Variants in PIR observed in about 807,000 individuals in gnomAD.
PIR encodes pirin (iron-binding nuclear protein).
PIR carries 22 observed loss-of-function variants against 24.2 expected under a neutral mutation model. The ratio of observed to expected loss-of-function variants is 0.91; its 90% CI spans 0.65 to 1.30. The LOEUF is 1.30. Ranked by LOEUF, PIR falls within the 50% of genes most tolerant of loss-of-function variation. The pLI is 0.00. For missense variants in PIR, 220 were observed against 220.3 expected (o/e 1.00, Z 0.01); for synonymous variants, 80 against 79.6 (o/e 1.00, Z -0.03).
chrX:15,432,269 A>G, intron 5 of PIR, among the ~76,000 whole-genome samples: 1 of 112,203 alleles, frequency 8.9e-6, no homozygotes, highest in African/African-American at 3.2e-5. Flanking sequence ...TTGGATATAT[A>G]TTGCTGAATA....
chrX:15,394,180 G>C (rs1205716484), intron 8 of PIR, among the ~76,000 whole-genome samples: 1 of 111,395 alleles, frequency 9.0e-6, no homozygotes, highest in Non-Finnish European at 1.9e-5. Context: ...CTTATTGCAT[G>C]CATTTGTTCC....
At chrX:15,444,335 T>C (rs1416916393) in intron 5 of PIR, among the ~76,000 whole-genome samples, 2 of 112,594 alleles carry the variant, frequency 1.8e-5, no homozygotes, top group Non-Finnish European at 3.7e-5. Flanking sequence ...AACAAAAGTA[T>C]TTTTAAATTA....
chrX:15,487,668 G>C (rs1922911118), intron 2 of PIR, among the ~76,000 whole-genome samples: 1 of 112,151 alleles, frequency 8.9e-6, no homozygotes, highest in African/African-American at 3.2e-5. Flanking sequence ...CCTCCTGCTG[G>C]GAGCACAGAG....
At chrX:15,400,761 T>TTATTTATTTATTTA (rs1569194235) in intron 7 of PIR, among the ~76,000 whole-genome samples, 9 of 109,598 alleles carry the variant, frequency 8.2e-5, no homozygotes, top group East Asian at 2.8e-4. Flanking sequence ...ATTTATTTAT[T>TTATTTATTTATTTA]TTTGAGATGG....
chrX:15,402,851 T>C (rs1410513870), intron 7 of PIR, among the ~76,000 whole-genome samples: 1 of 112,273 alleles, frequency 8.9e-6, no homozygotes, highest in Non-Finnish European at 1.9e-5. Context: ...CTGCCTTAGT[T>C]GTTCTGGAAA....
At chrX:15,404,447 C>T (rs756794975) in intron 7 of PIR, among the ~76,000 whole-genome samples, 14 of 112,356 alleles carry the variant, frequency 1.2e-4, no homozygotes, top group African/African-American at 4.5e-4. Flanking sequence ...ATTATTTCCT[C>T]AACCCAAGTT....
chrX:15,428,143 C>T (rs1348457145), intron 5 of PIR, among the ~76,000 whole-genome samples: 5 of 110,850 alleles, frequency 4.5e-5, no homozygotes, highest in African/African-American at 1.3e-4. Context: ...CAAATTCCCC[C>T]GTGTATATAT....
chrX:15,411,407 C>T (rs1431854833), intron 6 of PIR, among the ~76,000 whole-genome samples: 1 of 111,930 alleles, frequency 8.9e-6, no homozygotes, highest in Non-Finnish European at 1.9e-5. Context: ...GAGCTTTCCT[C>T]AGCCTACATT....
chrX:15,441,424 T>A (rs1216889598), intron 5 of PIR, among the ~76,000 whole-genome samples: 2 of 111,835 alleles, frequency 1.8e-5, no homozygotes, highest in Non-Finnish European at 3.8e-5. Context: ...ACTCTCCATA[T>A]ACATTTCACA....
intron 7 of PIR, among the ~76,000 whole-genome samples, chrX:15,404,145 G>A (rs1043394037): frequency 9.0e-6 from 1 of 110,691 alleles, no homozygotes; most frequent in Non-Finnish European, 1.9e-5. Context: ...AATTACAGGC[G>A]TGCATCACCA....
chrX:15,410,707 CT>C (rs1924716690), intron 6 of PIR, among the ~76,000 whole-genome samples: 1 of 112,066 alleles, frequency 8.9e-6, no homozygotes, highest in Non-Finnish European at 1.9e-5. Context: ...ATTTTTACTC[CT>C]TGTAAAAGTC....
intron 6 of PIR, among the ~76,000 whole-genome samples, chrX:15,414,545 C>A (rs1464965012): frequency 8.9e-6 from 1 of 112,009 alleles, no homozygotes; most frequent in Non-Finnish European, 1.9e-5. Flanking sequence ...CGTTTATAGA[C>A]TATTAAGATC....
At chrX:15,488,848 T>C (rs73635095) in intron 2 of PIR, among the ~76,000 whole-genome samples, 6,975 of 111,562 alleles carry the variant, frequency 0.063, 519 homozygotes, top group African/African-American at 0.21. Context: ...TCAGAGGGGT[T>C]GTAAACTTGG....
At chrX:15,461,674 T>C (rs1921307538) in intron 3 of PIR, among the ~76,000 whole-genome samples, 1 of 111,173 alleles carries the variant, frequency 9.0e-6, no homozygotes, top group Non-Finnish European at 1.9e-5. Flanking sequence ...TCCCAGCTAC[T>C]GGGGAGGCTG....
At chrX:15,467,390 G>A (rs1032775407) in intron 3 of PIR, among the ~76,000 whole-genome samples, 8 of 112,618 alleles carry the variant, frequency 7.1e-5, no homozygotes, top group African/African-American at 2.3e-4. Flanking sequence ...TGTCTCAGAG[G>A]AGAAATCCCA....
Position 15,453,173 on chromosome X carries a change from G to C in PIR, c.480+2675C>G, listed in dbSNP as rs187749965. Reference sequence around the variant, plus strand: ...CCTATCTTTAAAATGACTCTTACTGGTGTCCTTTCTTGAGTGCAGGTTAAT... The same window carrying C: ...CCTATCTTTAAAATGACTCTTACTGCTGTCCTTTCTTGAGTGCAGGTTAAT... On this transcript the variant is annotated intron_variant, in intron 5 of 9. Coordinates refer to ENST00000380420, the MANE Select transcript of PIR (RefSeq NM_001018109.3). 3.6e-5 allele frequency among the ~76,000 whole-genome samples: 4 copies of C among 111,666 alleles called. No individual in the cohort carries two copies. In the Admixed American group the frequency reaches 3.8e-4, roughly 11 times the overall value.
At chrX:15,481,041 A>G (rs1331541965) in intron 2 of PIR, among the ~76,000 whole-genome samples, 2 of 112,788 alleles carry the variant, frequency 1.8e-5, no homozygotes, top group Non-Finnish European at 3.8e-5. Context: ...TGAGACAAAA[A>G]GGAAGAGCAT....
At chrX:15,488,588 A>C (rs370956054) in intron 2 of PIR, among the ~76,000 whole-genome samples, 114 of 112,172 alleles carry the variant, frequency 1.0e-3, no homozygotes, top group African/African-American at 3.5e-3. Flanking sequence ...AAAAAATTGG[A>C]ACATAAAATT....
chrX:15,405,494 G>A (rs1380151100), intron 7 of PIR, among the ~76,000 whole-genome samples: 1 of 112,138 alleles, frequency 8.9e-6, no homozygotes, highest in Non-Finnish European at 1.9e-5. Context: ...CAGAAAGTTT[G>A]CTTCTCCCTG....
Sources: allele counts gnomAD v4.1 joint callset (sites outside exome capture counted in the v4.1 genomes callset), GRCh38; gene constraint gnomAD v4.1.1; transcripts MANE v1.5; gene names NCBI Gene and HGNC (gene_info 2026-07-23, HGNC 2026-07-21).